FNIP2: variants seen among roughly 807,000 people sequenced by gnomAD.
FNIP2 encodes the protein folliculin interacting protein 2, also known as folliculin-interacting protein 2.
In FNIP2, 32 loss-of-function variants were observed where a neutral mutation model predicts 108.7. That is an observed-to-expected ratio of 0.29 (90% CI 0.22 to 0.40). FNIP2 has a LOEUF of 0.40. FNIP2 is among the 10% of genes least tolerant of loss of function. The pLI is 1.00. For missense variants in FNIP2, 1,202 were observed against 1,381.6 expected (o/e 0.87, Z 2.06); for synonymous variants, 480 against 496.7 (o/e 0.97, Z 0.45).
intron 8 of FNIP2, among the ~76,000 whole-genome samples, chr4:158,851,728 T>C (rs1377097871): frequency 6.6e-6 from 1 of 152,240 alleles, no homozygotes; most frequent in Non-Finnish European, 1.5e-5. Context: ...TGGTGTGCTC[T>C]CTTTAAAATG....
At chr4:158,839,062 C>T (rs1049691058) in intron 7 of FNIP2, among the ~76,000 whole-genome samples, 6 of 152,184 alleles carry the variant, frequency 3.9e-5, no homozygotes, top group Middle Eastern at 6.8e-3. Context: ...TAATATTGGC[C>T]TTGATTACCT....
intron 1 of FNIP2, among the ~76,000 whole-genome samples, chr4:158,787,859 TA>T (rs1776273072): frequency 6.6e-6 from 1 of 152,196 alleles, no homozygotes; most frequent in South Asian, 2.1e-4. Flanking sequence ...CTCATACTCT[TA>T]AGTCCAGTCA....
intron 1 of FNIP2, among the ~76,000 whole-genome samples, chr4:158,816,580 C>G (rs1027690376): frequency 6.6e-6 from 1 of 151,896 alleles, no homozygotes; most frequent in Non-Finnish European, 1.5e-5. Flanking sequence ...GTCAGGAGTT[C>G]GAAACTAGCC....
intron 8 of FNIP2, among the ~76,000 whole-genome samples, chr4:158,853,986 T>C (rs1415629644): frequency 6.6e-6 from 1 of 152,230 alleles, no homozygotes; most frequent in African/African-American, 2.4e-5. Context: ...CCTTCCTCTT[T>C]AATAATTTGT....
intron 7 of FNIP2, among the ~76,000 whole-genome samples, chr4:158,839,351 A>T (rs764235118): frequency 4.5e-5 from 6 of 134,536 alleles, no homozygotes; most frequent in Non-Finnish European, 1.0e-4. Flanking sequence ...ATACTACTTC[A>T]TTTCTATTAT....
At chr4:158,837,421 T>G (rs1220445347) in intron 7 of FNIP2, among the ~76,000 whole-genome samples, 1 of 152,184 alleles carries the variant, frequency 6.6e-6, no homozygotes, top group Non-Finnish European at 1.5e-5. Context: ...GAGAAAAGAT[T>G]CAGGGAATTT....
At chr4:158,814,870 A>G (rs998946947) in intron 1 of FNIP2, among the ~76,000 whole-genome samples, 4 of 152,252 alleles carry the variant, frequency 2.6e-5, no homozygotes, top group Admixed American at 1.3e-4. Flanking sequence ...TTTAGCTACC[A>G]AGAAGCCTCT....
intron 1 of FNIP2, among the ~76,000 whole-genome samples, chr4:158,818,791 A>ACCTC (rs1777716992): frequency 6.6e-6 from 1 of 152,222 alleles, no homozygotes; most frequent in African/African-American, 2.4e-5. Flanking sequence ...TGTTTTTCCC[A>ACCTC]ACAGCCTTGT....
chr4:158,882,624 A>G (rs986088530), intron 14 of FNIP2, among the ~76,000 whole-genome samples: 1 of 152,282 alleles, frequency 6.6e-6, no homozygotes, highest in Non-Finnish European at 1.5e-5. Flanking sequence ...AGAAGTAGAT[A>G]TAGGAGACTC....
chr4:158,893,429 G>C, intron 15 of FNIP2: 1 of 388,356 alleles, frequency 2.6e-6, no homozygotes. Context: ...ACTTGGAATA[G>C]TGTTAGATGT....
At chr4:158,771,236 A>G (rs1441953471) in intron 1 of FNIP2, among the ~76,000 whole-genome samples, 1 of 152,218 alleles carries the variant, frequency 6.6e-6, no homozygotes, top group Admixed American at 6.5e-5. Flanking sequence ...TGTCCCTGAT[A>G]GAGGTCACCA....
intron 2 of FNIP2, among the ~76,000 whole-genome samples, chr4:158,826,296 T>C (rs1778154480): frequency 6.6e-6 from 1 of 152,220 alleles, no homozygotes; most frequent in Non-Finnish European, 1.5e-5. Context: ...GTACTATTAA[T>C]AGTACTAGAG....
At chr4:158,806,024 C>A in intron 1 of FNIP2, 2 of 694,450 alleles carry the variant, frequency 2.9e-6, no homozygotes, top group Non-Finnish European at 3.7e-6. Flanking sequence ...ATTTACGTAA[C>A]AAATGAATGT....
At chr4:158,833,150 C>G (rs1415695050) in intron 5 of FNIP2, among the ~76,000 whole-genome samples, 1 of 151,966 alleles carries the variant, frequency 6.6e-6, no homozygotes, top group East Asian at 1.9e-4. Context: ...ATGTAAAATA[C>G]TTAAAATGAA....
At chr4:158,880,596 TAAA>T (rs1159834869) in intron 14 of FNIP2, among the ~76,000 whole-genome samples, 1 of 152,086 alleles carries the variant, frequency 6.6e-6, no homozygotes, top group African/African-American at 2.4e-5. Flanking sequence ...ATAATAATAA[TAAA>T]AAAAATTCTA....
At position 158,788,071 on chromosome 4, in the gene FNIP2, G is replaced by A. The variant is rs562839116; in HGVS notation, c.107+18752G>A. Among the ~76,000 whole-genome samples the A allele has an allele frequency of 1.4e-4, 21 of 152,276 alleles. No individual in the cohort carries two copies. The South Asian group carries it at 4.1e-3, about 30-fold the overall frequency. On this transcript the variant is annotated intron_variant, in intron 1 of 16. Transcript: ENST00000264433. ...TATCACTTAATAGCTGTATGGTCTCGAACAAGTTGCTTAACCATGCCGTGC... is the reference window on the plus strand; with the variant it reads ...TATCACTTAATAGCTGTATGGTCTCAAACAAGTTGCTTAACCATGCCGTGC...
chr4:158,830,225 G>A (rs1251222601), intron 3 of FNIP2, among the ~76,000 whole-genome samples: 1 of 151,210 alleles, frequency 6.6e-6, no homozygotes, highest in Non-Finnish European at 1.5e-5. Flanking sequence ...ACCTAGCTGA[G>A]CAGGGCTGAT....
Position 158,828,434 on chromosome 4 carries a change from T to TG in FNIP2, c.235-644dup, listed in dbSNP as rs543607515. Among the ~76,000 whole-genome samples the TG allele has an allele frequency of 7.9e-5, 12 of 152,198 alleles. No individual in the cohort carries two copies. The South Asian group carries it at 2.3e-3, about 29-fold the overall frequency. On this transcript the variant is annotated intron_variant, in intron 2 of 16. Transcript: ENST00000264433. ...ATCAAGACCATCTTGGTCAACATGG[T>TG]GAAACCCCATCTCCACTAAAAATAC... is the stretch of plus-strand genomic sequence containing the variant.
In FNIP2 at chr4:158,891,386, A is replaced by G; in HGVS notation, c.2950-60A>G. On this transcript the variant is annotated intron_variant, in intron 14 of 16. Coordinates refer to ENST00000264433, the MANE Select transcript of FNIP2 (RefSeq NM_020840.3). ...TTTAAATGTATTTATCAGTAGTGAAACTTTGACCTTTTGGACTCACCTGGA... is the reference window on the plus strand; with the variant it reads ...TTTAAATGTATTTATCAGTAGTGAAGCTTTGACCTTTTGGACTCACCTGGA... The G allele has an allele frequency of 2.0e-6, 3 of 1,474,460 alleles. No homozygotes were observed. In the South Asian group the frequency reaches 3.7e-5, roughly 18 times the overall value. The allele number at this position is 1,474,460 out of a possible 1,614,324, so 91.3% of individuals were successfully genotyped here. A position where few individuals can be genotyped will look rare whatever the true frequency, so the allele number is the denominator to read the frequency against.
Sources: allele counts gnomAD v4.1 joint callset (sites outside exome capture counted in the v4.1 genomes callset), GRCh38; gene constraint gnomAD v4.1.1; transcripts MANE v1.5; gene names NCBI Gene and HGNC (gene_info 2026-07-23, HGNC 2026-07-21).